Variants in DGKB observed in about 807,000 individuals in gnomAD.
DGKB encodes 90 kDa diacylglycerol kinase.
DGKB carries 67 observed loss-of-function variants against 114.3 expected under a neutral mutation model. The ratio of observed to expected loss-of-function variants is 0.59; its 90% CI spans 0.48 to 0.72. The LOEUF is 0.72. Ranked by LOEUF, DGKB falls within the 30% of genes least tolerant of loss-of-function variation. The probability of loss-of-function intolerance (pLI) is 0.00; values close to 1 mark genes in which losing one functional copy is unlikely to be tolerated. For missense variants in DGKB, 907 were observed against 975.2 expected (o/e 0.93, Z 0.93); for synonymous variants, 398 against 323.1 (o/e 1.23, Z -2.49).
intron 2 of DGKB, among the ~76,000 whole-genome samples, chr7:14,834,481 A>G (rs1025719871): frequency 4.6e-5 from 7 of 152,132 alleles, no homozygotes; most frequent in Admixed American, 3.9e-4. Flanking sequence ...AAGAAATATT[A>G]GCGTATCACT....
At chr7:14,291,631 G>C (rs1347735933) in intron 23 of DGKB, among the ~76,000 whole-genome samples, 3 of 152,114 alleles carry the variant, frequency 2.0e-5, no homozygotes, top group East Asian at 3.9e-4. Flanking sequence ...TTTTTGTTTT[G>C]ATGGGAAAAT....
chr7:14,836,381 G>T (rs1015329897), intron 2 of DGKB, among the ~76,000 whole-genome samples: 1 of 152,132 alleles, frequency 6.6e-6, no homozygotes, highest in Admixed American at 6.5e-5. Context: ...AAAATAATTT[G>T]CATGCTATAT....
At chr7:14,655,300 A>G (rs191390937) in intron 13 of DGKB, among the ~76,000 whole-genome samples, 4 of 151,726 alleles carry the variant, frequency 2.6e-5, no homozygotes, top group Non-Finnish European at 5.9e-5. Flanking sequence ...CAGCATCACT[A>G]ATCATCAGGG....
rs115594923 is a variant in DGKB, at chr7:14,848,506, A to G, written c.-187-7056T>C. ...AGAGCTAAGATAAGAGATAAGAGGT[A>G]TAATATTATCAGTTTTCTATATAGA... On this transcript the variant is annotated intron_variant, in intron 1 of 25. Transcript: ENST00000402815. Among the ~76,000 whole-genome samples, 866 of 152,318 alleles carry G rather than the reference A, an allele frequency of 5.7e-3. 13 individuals carry two copies. Among genetic ancestry groups the G allele is most frequent in the African/African-American group, 0.02 (825 of 41,572 alleles).
chr7:14,789,960 G>A (rs1007046434), intron 2 of DGKB, among the ~76,000 whole-genome samples: 8 of 152,056 alleles, frequency 5.3e-5, no homozygotes, highest in Non-Finnish European at 1.0e-4. Flanking sequence ...AGTTGATGTC[G>A]TTACCAATTT....
chr7:14,203,161 C>CAAAAA (rs374610278), intron 23 of DGKB, among the ~76,000 whole-genome samples: 8 of 96,140 alleles, frequency 8.3e-5, no homozygotes, highest in African/African-American at 3.5e-4. Flanking sequence ...GAGCAGTAGC[C>CAAAAA]AAAAAAAAAA....
intron 20 of DGKB, among the ~76,000 whole-genome samples, chr7:14,552,227 ACATGTT>A (rs1795203623): frequency 6.6e-6 from 1 of 152,186 alleles, no homozygotes; most frequent in African/African-American, 2.4e-5. Flanking sequence ...CTTTCTGGCA[ACATGTT>A]CATCTTTGTA....
intron 13 of DGKB, among the ~76,000 whole-genome samples, chr7:14,650,887 G>C (rs903872312): frequency 1.7e-3 from 264 of 151,960 alleles, no homozygotes; most frequent in Non-Finnish European, 3.3e-3. Flanking sequence ...AAATAAACTA[G>C]AAAATCTAGA....
chr7:14,686,115 CTA>C, intron 9 of DGKB, among the ~76,000 whole-genome samples: 1 of 152,198 alleles, frequency 6.6e-6, no homozygotes, highest in South Asian at 2.1e-4. Context: ...ATAACAATCA[CTA>C]TGGTTATTTG....
intron 19 of DGKB, among the ~76,000 whole-genome samples, chr7:14,574,917 T>C (rs191479933): frequency 3.0e-4 from 45 of 152,316 alleles, no homozygotes; most frequent in African/African-American, 1.1e-3. Context: ...AGGGTGTCCC[T>C]TTTCTTTTTG....
At chr7:14,900,276 T>G (rs1227024210) in intron 1 of DGKB, among the ~76,000 whole-genome samples, 1 of 152,184 alleles carries the variant, frequency 6.6e-6, no homozygotes, top group Non-Finnish European at 1.5e-5. Context: ...AGAAAGAGAA[T>G]GCTATTGCTG....
rs747706162 is a variant in DGKB, at chr7:14,209,585, T to C, written c.2123-31434A>G. Reference sequence around the variant, plus strand: ...AAAATGGGGGCTCCAGAGGTTCACATTCAGCAAAATCTGCCCCTTAAGAGG... The same window carrying C: ...AAAATGGGGGCTCCAGAGGTTCACACTCAGCAAAATCTGCCCCTTAAGAGG... On this transcript the variant is annotated intron_variant, in intron 23 of 25. Coordinates refer to ENST00000402815, the MANE Select transcript of DGKB (RefSeq NM_001350709.2). 7 of 475,672 alleles carry C rather than the reference T, an allele frequency of 1.5e-5. No homozygotes were observed. In the East Asian group the frequency reaches 3.2e-4, roughly 22 times the overall value. 29.5% of individuals were successfully genotyped at this position (475,672 alleles called of 1,614,324 possible).
chr7:14,213,018 T>C (rs762031648), intron 23 of DGKB, among the ~76,000 whole-genome samples: 1 of 152,118 alleles, frequency 6.6e-6, no homozygotes, highest in African/African-American at 2.4e-5. Flanking sequence ...ATACTAATTA[T>C]GAAATATATT....
intron 20 of DGKB, among the ~76,000 whole-genome samples, chr7:14,537,477 A>T (rs1188623759): frequency 6.6e-6 from 1 of 152,180 alleles, no homozygotes. Flanking sequence ...CCAGAAGTGA[A>T]GCCACAAATA....
At chr7:14,948,440 G>A (rs1786000676) in intron 1 of DGKB, among the ~76,000 whole-genome samples, 1 of 151,726 alleles carries the variant, frequency 6.6e-6, no homozygotes, top group Non-Finnish European at 1.5e-5. Context: ...TTAAAACAAC[G>A]GCAACGAATT....
At chr7:14,180,897 G>T (rs528862037) in intron 23 of DGKB, among the ~76,000 whole-genome samples, 2 of 152,222 alleles carry the variant, frequency 1.3e-5, no homozygotes, top group African/African-American at 4.8e-5. Context: ...CCTTGGGATG[G>T]CCTAACCAGC....
At chr7:14,687,054 T>G (rs994014744) in intron 9 of DGKB, among the ~76,000 whole-genome samples, 1 of 152,104 alleles carries the variant, frequency 6.6e-6, no homozygotes, top group Non-Finnish European at 1.5e-5. Flanking sequence ...TCATTTAGTT[T>G]TCTTAAGTCA....
At chr7:14,590,246 A>G (rs1257445637) in intron 17 of DGKB, among the ~76,000 whole-genome samples, 2 of 152,000 alleles carry the variant, frequency 1.3e-5, no homozygotes, top group African/African-American at 4.8e-5. Context: ...ATGATTTTAA[A>G]TTCTCCTTAA....
chr7:14,380,331 G>C (rs1472497017), intron 21 of DGKB, among the ~76,000 whole-genome samples: 8 of 151,946 alleles, frequency 5.3e-5, no homozygotes, highest in Non-Finnish European at 1.0e-4. Flanking sequence ...TTGGAAGTTA[G>C]GTGAAGAAAA....
Sources: allele counts gnomAD v4.1 joint callset (sites outside exome capture counted in the v4.1 genomes callset), GRCh38; gene constraint gnomAD v4.1.1; transcripts MANE v1.5; gene names NCBI Gene and HGNC (gene_info 2026-07-23, HGNC 2026-07-21).